Variants in KCTD1 observed in about 807,000 individuals in gnomAD.
KCTD1 encodes potassium channel tetramerization domain containing 1.
Under a neutral mutation model 66.0 loss-of-function variants are expected in KCTD1, and 24 were observed. The ratio of observed to expected loss-of-function variants is 0.36; its 90% confidence interval spans 0.26 to 0.51. KCTD1 has a LOEUF of 0.51. KCTD1 is among the 20% of genes least tolerant of loss of function. The pLI is 0.95. For missense variants in KCTD1, 943 were observed against 1,205.2 expected (o/e 0.78, Z 3.22); for synonymous variants, 511 against 517.2 (o/e 0.99, Z 0.16).
chr18:26,601,530 C>G (rs1259200386), intron 1 of KCTD1, among the ~76,000 whole-genome samples: 1 of 151,940 alleles, frequency 6.6e-6, no homozygotes, highest in Non-Finnish European at 1.5e-5. Flanking sequence ...TTTGTTCTTC[C>G]TTTTCAAGAT....
At chr18:26,599,802 G>C in intron 1 of KCTD1, 1 of 1,563,932 alleles carries the variant, frequency 6.4e-7, no homozygotes, top group Non-Finnish European at 8.8e-7. Context: ...TGCAGCGGGA[G>C]CCCCTAACCC....
At chr18:26,628,095 AT>A (rs1368889446) in intron 1 of KCTD1, among the ~76,000 whole-genome samples, 1 of 152,204 alleles carries the variant, frequency 6.6e-6, no homozygotes, top group Non-Finnish European at 1.5e-5. Context: ...TAAAGTGGCC[AT>A]ATAATTTACT....
intron 1 of KCTD1, among the ~76,000 whole-genome samples, chr18:26,554,724 C>T (rs985986564): frequency 1.3e-5 from 2 of 152,168 alleles, no homozygotes; most frequent in Non-Finnish European, 2.9e-5. Flanking sequence ...AACTACAATT[C>T]TAGGTCTTTC....
intron 1 of KCTD1, among the ~76,000 whole-genome samples, chr18:26,613,881 C>T (rs964660802): frequency 4.6e-5 from 7 of 152,176 alleles, no homozygotes; most frequent in African/African-American, 1.7e-4. Context: ...GCTCTTCTCC[C>T]AGATATTTAC....
intron 4 of KCTD1, 61 bp downstream of exon 4, chr18:26,459,559 A>C: frequency 2.0e-6 from 3 of 1,484,126 alleles, no homozygotes; most frequent in Middle Eastern, 3.7e-4. Flanking sequence ...TGTGAGGGCA[A>C]GGTTAAGTGA....
At chr18:26,656,342 AAGG>A (rs1207611064) in intron 1 of KCTD1, among the ~76,000 whole-genome samples, 1 of 152,120 alleles carries the variant, frequency 6.6e-6, no homozygotes, top group East Asian at 1.9e-4. Flanking sequence ...CCCGCCTCCC[AAGG>A]AGACTTCTAA....
intron 1 of KCTD1, chr18:26,581,137 T>C (rs1986344013): frequency 6.6e-6 from 1 of 152,246 alleles, no homozygotes; most frequent in African/African-American, 2.4e-5. Flanking sequence ...GGGTGATGTC[T>C]ATGATATGTT....
At chr18:26,593,546 AGAC>A (rs1181905528) in intron 1 of KCTD1, among the ~76,000 whole-genome samples, 2 of 80,460 alleles carry the variant, frequency 2.5e-5, no homozygotes, top group East Asian at 5.2e-4. Context: ...AGGAGGAAGA[AGAC>A]GAGGAGGAGG....
rs1983030750 is a variant in KCTD1 at position 26,506,247 on chromosome 18, A to AC, written c.1810-4998dup. ...CAAGGTGATAAGTGAACAAGAGTAA[A>AC]CAAAACAGGCTGGTCTCTGGCCTCA... On this transcript the variant is annotated intron_variant, in intron 1 of 4. Coordinates refer to ENST00000580059, the MANE Select transcript of KCTD1 (RefSeq NM_001142730.3). Among the ~76,000 whole-genome samples, 3 of 152,280 alleles carry AC rather than the reference A, an allele frequency of 2.0e-5. No homozygotes were observed. The South Asian group carries it at 6.2e-4, about 32-fold the overall frequency.
At chr18:26,536,161 G>C (rs1003266390) in intron 1 of KCTD1, among the ~76,000 whole-genome samples, 1 of 152,138 alleles carries the variant, frequency 6.6e-6, no homozygotes, top group African/African-American at 2.4e-5. Flanking sequence ...ACAGACCTGA[G>C]AGGTGAATGA....
intron 4 of KCTD1, chr18:26,458,037 GGCT>G (rs1250859498): frequency 6.6e-6 from 1 of 152,446 alleles, no homozygotes; most frequent in Non-Finnish European, 1.5e-5. Flanking sequence ...GAAGGGGACA[GGCT>G]TTCTGGGCTT....
In KCTD1 at chr18:26,568,996, A is replaced by G. The variant is rs118156507; in HGVS notation, c.-16+60151T>C. Among the ~76,000 whole-genome samples the G allele has an allele frequency of 5.8e-3, 879 of 152,348 alleles. 3 individuals carry two copies. The highest frequency in any genetic ancestry group is 0.01 in the Non-Finnish European group (684 of 68,034). Reference sequence around the variant, plus strand: ...TACTGCTTAATATTTTCAAAAGGCAATTAGTCTGTTAACTGATCCCACCTC... The same window carrying G: ...TACTGCTTAATATTTTCAAAAGGCAGTTAGTCTGTTAACTGATCCCACCTC... On this transcript the variant is annotated intron_variant, in intron 1 of 4. Coordinates refer to the KCTD1 transcript ENST00000317932.
At chr18:26,611,226 TC>T (rs1325889187) in intron 1 of KCTD1, among the ~76,000 whole-genome samples, 6 of 152,248 alleles carry the variant, frequency 3.9e-5, no homozygotes, top group African/African-American at 1.4e-4. Flanking sequence ...CAATGTCTAA[TC>T]TTCATCTATT....
intron 2 of KCTD1, among the ~76,000 whole-genome samples, chr18:26,483,276 T>C (rs1247400354): frequency 6.6e-6 from 1 of 152,184 alleles, no homozygotes; most frequent in Non-Finnish European, 1.5e-5. Flanking sequence ...TTTTCTTTTT[T>C]CTTTTTGTTT....
At chr18:26,549,554 G>A (rs541169002), upstream of KCTD1, 15 of 754,976 alleles carry the variant, frequency 2.0e-5, no homozygotes, top group East Asian at 1.7e-3. Context: ...CGCCCAGGGC[G>A]CCGCCCTCCC....
At chr18:26,540,015 T>A (rs1984899874) in intron 1 of KCTD1, among the ~76,000 whole-genome samples, 1 of 152,130 alleles carries the variant, frequency 6.6e-6, no homozygotes, top group African/African-American at 2.4e-5. Context: ...ACTAGTTTGG[T>A]CCCTGGCACA....
At chr18:26,629,190 C>T (rs921005499) in exon 1 of KCTD1, 2 of 985,242 alleles carry the variant, frequency 2.0e-6, no homozygotes, top group African/African-American at 3.5e-5. Context: ...CCCTCCGTCC[C>T]AGTTGGTGTG....
At chr18:26,592,162 C>T (rs552535147) in intron 1 of KCTD1, among the ~76,000 whole-genome samples, 1 of 152,180 alleles carries the variant, frequency 6.6e-6, no homozygotes, top group African/African-American at 2.4e-5. Flanking sequence ...GGTCTCAGTT[C>T]CCATCTCTTA....
chr18:26,548,842 A>T, upstream of KCTD1: 1 of 1,027,720 alleles, frequency 9.7e-7, no homozygotes, highest in Non-Finnish European at 1.2e-6. Flanking sequence ...GAAAAAAAAA[A>T]GGAAAGGGAG....
Sources: gnomAD v4.1 joint callset for allele counts (sites outside exome capture counted in the v4.1 genomes callset) on GRCh38, gnomAD v4.1.1 for gene constraint, MANE v1.5 for transcripts, NCBI Gene and HGNC (gene_info 2026-07-23, HGNC 2026-07-21) for gene names.